TMEM45A: variants seen among roughly 807,000 people sequenced by gnomAD.
The protein encoded by TMEM45A is DNA polymerase-transactivated protein 4.
In TMEM45A, 25 loss-of-function variants were observed where a neutral mutation model predicts 32.0. The observed-to-expected ratio is 0.78, with a 90% CI of 0.57 to 1.09. The LOEUF (loss-of-function observed/expected upper bound fraction) is 1.09. Ranked by LOEUF, TMEM45A falls within the 50% of genes least tolerant of loss-of-function variation. The pLI is 0.00. For missense variants in TMEM45A, 302 were observed against 325.0 expected (o/e 0.93, Z 0.54); for synonymous variants, 122 against 114.8 (o/e 1.06, Z -0.40).
intron 1 of TMEM45A, among the ~76,000 whole-genome samples, chr3:100,530,198 T>C (rs759736186): frequency 5.9e-4 from 90 of 152,218 alleles, no homozygotes; most frequent in Non-Finnish European, 1.0e-3. Context: ...TAGGGTTCTC[T>C]AGAGAGACAT....
At chr3:100,511,310 G>C (rs1223155087) in intron 1 of TMEM45A, among the ~76,000 whole-genome samples, 1 of 152,140 alleles carries the variant, frequency 6.6e-6, no homozygotes, top group East Asian at 1.9e-4. Context: ...GAGAGTGGGG[G>C]CCAATATTCA....
At chr3:100,496,996 C>A (rs1024600690) in intron 1 of TMEM45A, among the ~76,000 whole-genome samples, 1 of 152,138 alleles carries the variant, frequency 6.6e-6, no homozygotes, top group African/African-American at 2.4e-5. Flanking sequence ...TGGTGAATAT[C>A]AATGAAGGTC....
At chr3:100,530,693 A>G (rs1455124883) in intron 1 of TMEM45A, among the ~76,000 whole-genome samples, 1 of 152,180 alleles carries the variant, frequency 6.6e-6, no homozygotes, top group Non-Finnish European at 1.5e-5. Flanking sequence ...ATGTATATGG[A>G]ATACTATTAG....
intron 1 of TMEM45A, among the ~76,000 whole-genome samples, chr3:100,499,938 C>G (rs1355461252): frequency 3.3e-5 from 5 of 152,128 alleles, no homozygotes; most frequent in African/African-American, 9.7e-5. Flanking sequence ...TTCTTGTGGT[C>G]AAATGGCATT....
At chr3:100,500,787 A>C (rs777043374) in intron 1 of TMEM45A, among the ~76,000 whole-genome samples, 1 of 152,192 alleles carries the variant, frequency 6.6e-6, no homozygotes, top group South Asian at 2.1e-4. Flanking sequence ...TTTCTCCTTC[A>C]AGAGAAATTT....
chr3:100,533,994 C>T (rs1705696900), intron 1 of TMEM45A, among the ~76,000 whole-genome samples: 1 of 151,960 alleles, frequency 6.6e-6, no homozygotes, highest in South Asian at 2.1e-4. Flanking sequence ...GAGATTGGGC[C>T]CTATATACTG....
intron 5 of TMEM45A, among the ~76,000 whole-genome samples, chr3:100,575,363 C>CTCTTTTTTTTTTTTTTT (rs1706660425): frequency 1.2e-3 from 74 of 62,764 alleles, no homozygotes; most frequent in African/African-American, 3.8e-3. Context: ...TATGGATTCT[C>CTCTTTTTTTTTTTTTTT]TTTTTTTTTT....
At chr3:100,557,761 G>T (rs1387024596) in intron 3 of TMEM45A, among the ~76,000 whole-genome samples, 2 of 152,098 alleles carry the variant, frequency 1.3e-5, no homozygotes, top group Non-Finnish European at 2.9e-5. Context: ...ATCTCAGGGG[G>T]TTACCGTATT....
At chr3:100,546,558 T>G (rs1458639342) in intron 1 of TMEM45A, among the ~76,000 whole-genome samples, 17 of 152,238 alleles carry the variant, frequency 1.1e-4, no homozygotes, top group Non-Finnish European at 2.5e-4. Context: ...TCTAGACCTT[T>G]GTCAATCCAT....
At chr3:100,571,567 T>C (rs1401429513) in intron 5 of TMEM45A, 1 of 152,136 alleles carries the variant, frequency 6.6e-6, no homozygotes, top group Non-Finnish European at 1.5e-5. Flanking sequence ...AAGAATGAAG[T>C]TTTTGTATGA....
At position 100,530,868 on chromosome 3, in the gene TMEM45A, A is replaced by G. The variant is rs141279727; in HGVS notation, c.-3-24341A>G. On this transcript the variant is annotated intron_variant, in intron 1 of 5. Transcript: ENST00000323523. The stretch of plus-strand genomic sequence containing the variant: ...TTTGAGTTCATCTGTTGCAGAAACT[A>G]TTTTGTCCTGTAGAATTTTGCATCA... Among the ~76,000 whole-genome samples, 92 of 152,188 alleles carry G rather than the reference A, an allele frequency of 6.0e-4. No homozygotes were observed. The Middle Eastern group carries it at 0.02, about 34-fold the overall frequency.
intron 1 of TMEM45A, among the ~76,000 whole-genome samples, chr3:100,522,422 G>A (rs1260015133): frequency 6.6e-6 from 1 of 152,156 alleles, no homozygotes; most frequent in East Asian, 1.9e-4. Flanking sequence ...TCCTCCTTCT[G>A]AATTCACAGA....
intron 5 of TMEM45A, among the ~76,000 whole-genome samples, chr3:100,574,890 A>C (rs1432467242): frequency 2.0e-5 from 3 of 152,208 alleles, no homozygotes; most frequent in Non-Finnish European, 4.4e-5. Flanking sequence ...GTTCTTGAAA[A>C]GATAAGACCA....
chr3:100,540,220 T>G (rs369969230), intron 1 of TMEM45A, among the ~76,000 whole-genome samples: 1 of 152,110 alleles, frequency 6.6e-6, no homozygotes, highest in African/African-American at 2.4e-5. Flanking sequence ...ATTCATTGTT[T>G]GAATATTAAT....
intron 1 of TMEM45A, among the ~76,000 whole-genome samples, chr3:100,535,578 T>C (rs931801307): frequency 6.6e-6 from 1 of 152,206 alleles, no homozygotes; most frequent in Non-Finnish European, 1.5e-5. Flanking sequence ...TGGGGCATTA[T>C]GTCTAATTGG....
intron 2 of TMEM45A, 92 bp downstream of exon 2, chr3:100,555,493 A>C: frequency 3.1e-6 from 4 of 1,301,438 alleles, no homozygotes; most frequent in Non-Finnish European, 3.2e-6. Context: ...ATTTTATATC[A>C]ATTGTTCTGA....
At chr3:100,574,193 A>G (rs1706633253) in intron 5 of TMEM45A, 1 of 152,196 alleles carries the variant, frequency 6.6e-6, no homozygotes, top group Non-Finnish European at 1.5e-5. Flanking sequence ...ACCTTTCAAA[A>G]AATTAATGAA....
intron 1 of TMEM45A, among the ~76,000 whole-genome samples, chr3:100,543,389 T>A (rs1705925780): frequency 6.6e-6 from 1 of 152,198 alleles, no homozygotes; most frequent in Non-Finnish European, 1.5e-5. Flanking sequence ...CTGGATTGTG[T>A]CATATGTGCA....
At chr3:100,501,944 T>C (rs1324849570) in intron 1 of TMEM45A, among the ~76,000 whole-genome samples, 2 of 152,216 alleles carry the variant, frequency 1.3e-5, no homozygotes, top group Admixed American at 6.5e-5. Context: ...TTTTAATTTA[T>C]CTTAAATTTC....
Sources: allele counts gnomAD v4.1 joint callset (sites outside exome capture counted in the v4.1 genomes callset), GRCh38; gene constraint gnomAD v4.1.1; transcripts MANE v1.5; gene names NCBI Gene and HGNC (gene_info 2026-07-23, HGNC 2026-07-21).